The following DMD variants were observed in gnomAD, a reference collection of about 807,000 sequenced individuals.
The protein encoded by DMD is dystrophin.
A neutral mutation model predicts 330.1 loss-of-function variants in DMD; 63 were observed. That is an observed-to-expected ratio of 0.19 (90% confidence interval 0.16 to 0.24). The LOEUF (loss-of-function observed/expected upper bound fraction) is 0.24. Ranked by LOEUF, DMD falls within the 10% of genes least tolerant of loss-of-function variation. The pLI, the probability that DMD is intolerant of heterozygous loss-of-function variation, is 1.00. For missense variants in DMD, 3,344 were observed against 2,684.1 expected, an observed-to-expected ratio of 1.25 and a Z score of -5.43; for synonymous variants, 1,223 against 959.8, an observed-to-expected ratio of 1.27 and a Z score of -5.07.
chrX:32,443,208 G>A lies in DMD; in HGVS notation c.3787-1894C>T, dbSNP rs140346645. Among the ~76,000 whole-genome samples the A allele has an allele frequency of 2.7e-4, 30 of 110,635 alleles. No individual in the cohort carries two copies. The East Asian group carries it at 6.9e-3, about 25-fold the overall frequency. ...CTTGAAAGGAAGATTTATTTCAGAA[G>A]GATCTAAAAAATTAATCAGATTTCC... On this transcript the variant is annotated intron_variant, in intron 27 of 78. Coordinates refer to ENST00000357033, the MANE Select transcript of DMD (RefSeq NM_004006.3).
chrX:33,190,109 C>A, intron 1 of DMD, among the ~76,000 whole-genome samples: 1 of 111,244 alleles, frequency 9.0e-6, no homozygotes, highest in Middle Eastern at 4.6e-3. Flanking sequence ...ACTTCCTGTT[C>A]TGTTTGTAGC....
chrX:31,611,832 ATTAC>A (rs1180647792), intron 55 of DMD, among the ~76,000 whole-genome samples: 1 of 111,212 alleles, frequency 9.0e-6, no homozygotes, highest in Non-Finnish European at 1.9e-5. Context: ...CAGTTCTGGG[ATTAC>A]AGAAGTGACC....
At chrX:32,679,831 A>C (rs2147299875) in intron 9 of DMD, among the ~76,000 whole-genome samples, 1 of 104,604 alleles carries the variant, frequency 9.6e-6, no homozygotes. Flanking sequence ...TTTTCACAGT[A>C]TACTGAGACT....
chrX:32,403,181 T>C (rs1240576574), intron 30 of DMD, among the ~76,000 whole-genome samples: 1 of 112,108 alleles, frequency 8.9e-6, no homozygotes, highest in Non-Finnish European at 1.9e-5. Flanking sequence ...TGCTAAGTGT[T>C]ATCTGGCTGT....
rs763912486 is a variant in DMD at position 32,790,503 on chromosome X, C to T, written c.649+18990G>A. Among the ~76,000 whole-genome samples, 3 of 111,641 alleles carry T rather than the reference C, an allele frequency of 2.7e-5. No individual in the cohort carries two copies. The East Asian group carries it at 8.5e-4, about 32-fold the overall frequency. On this transcript the variant is annotated intron_variant, in intron 7 of 78. Transcript: ENST00000357033. The stretch of plus-strand genomic sequence containing the variant: ...CAAACTCTAGAGTCCTAAGCAGCTG[C>T]AACATGGCCTGGTTTTGAGAGCCCA...
intron 55 of DMD, among the ~76,000 whole-genome samples, chrX:31,523,019 A>C (rs2072970718): frequency 9.0e-6 from 1 of 111,295 alleles, no homozygotes; most frequent in Admixed American, 9.5e-5. Context: ...TGGTTCTCAA[A>C]CTTGAGTGGG....
At chrX:31,744,640 T>C (rs1439003238) in intron 51 of DMD, among the ~76,000 whole-genome samples, 1 of 112,151 alleles carries the variant, frequency 8.9e-6, no homozygotes, top group Non-Finnish European at 1.9e-5. Flanking sequence ...AAGCAGAAGA[T>C]AAATTACAAG....
At chrX:31,294,921 T>C (rs1383778293) in intron 62 of DMD, among the ~76,000 whole-genome samples, 1 of 112,515 alleles carries the variant, frequency 8.9e-6, no homozygotes, top group Non-Finnish European at 1.9e-5. Flanking sequence ...GTCATATTCA[T>C]GTGTGTTTCA....
At chrX:32,975,412 T>C (rs968824947) in intron 2 of DMD, among the ~76,000 whole-genome samples, 8 of 97,145 alleles carry the variant, frequency 8.2e-5, no homozygotes, top group Admixed American at 6.2e-4. Flanking sequence ...CCTGGAAGAA[T>C]TGGAAATCAA....
At chrX:31,717,934 G>T (rs1321190954) in intron 52 of DMD, among the ~76,000 whole-genome samples, 3 of 111,369 alleles carry the variant, frequency 2.7e-5, no homozygotes, top group Non-Finnish European at 5.7e-5. Flanking sequence ...ACAGTTCCAT[G>T]GTTCCTGTAT....
intron 2 of DMD, among the ~76,000 whole-genome samples, chrX:32,856,844 G>A (rs1197797468): frequency 9.0e-6 from 1 of 111,710 alleles, no homozygotes; most frequent in Non-Finnish European, 1.9e-5. Flanking sequence ...GGGAGGCCGA[G>A]GCAGGCGGAT....
chrX:32,619,002 T>A (rs1013973515), intron 11 of DMD, among the ~76,000 whole-genome samples: 3 of 111,241 alleles, frequency 2.7e-5, no homozygotes. Flanking sequence ...CAAAGAAATA[T>A]CTGCACTACC....
Position 31,911,238 on chromosome X carries a change from C to A in DMD, c.6912+18358G>T, listed in dbSNP as rs59184414. Among the ~76,000 whole-genome samples, 681 of 111,996 alleles carry A rather than the reference C, an allele frequency of 6.1e-3. 6 individuals carry two copies. The highest frequency in any genetic ancestry group is 0.019 in the African/African-American group (597 of 30,825). ...TAGGATAGAAGCTTATAATGTATTGCTGCTTTATAGTTTTATCACTGTTTG... is the reference window on the plus strand; with the variant it reads ...TAGGATAGAAGCTTATAATGTATTGATGCTTTATAGTTTTATCACTGTTTG... On this transcript the variant is annotated intron_variant, in intron 47 of 78. Coordinates refer to ENST00000357033, the MANE Select transcript of DMD (RefSeq NM_004006.3).
At chrX:31,833,175 T>C (rs770827264) in intron 49 of DMD, among the ~76,000 whole-genome samples, 29 of 110,223 alleles carry the variant, frequency 2.6e-4, no homozygotes, top group Non-Finnish European at 4.3e-4. Flanking sequence ...AAACAATTTA[T>C]ATAACTCATA....
chrX:32,648,172 G>A (rs2059903862), intron 9 of DMD, among the ~76,000 whole-genome samples: 2 of 111,741 alleles, frequency 1.8e-5, no homozygotes, highest in African/African-American at 6.5e-5. Context: ...ATGACATCTA[G>A]TACTCAAATT....
chrX:31,538,978 G>A (rs2073618099), intron 55 of DMD, among the ~76,000 whole-genome samples: 1 of 111,750 alleles, frequency 8.9e-6, no homozygotes, highest in Admixed American at 9.6e-5. Flanking sequence ...TTTTTCCTCA[G>A]ACTCTCTCTT....
chrX:32,333,115 G>A (rs183359465), intron 41 of DMD, among the ~76,000 whole-genome samples: 83 of 111,404 alleles, frequency 7.5e-4, no homozygotes, highest in Non-Finnish European at 1.3e-3. Flanking sequence ...TTGATGTCCA[G>A]CATTTTTCTG....
At chrX:31,361,931 G>A (rs1162907601) in intron 60 of DMD, among the ~76,000 whole-genome samples, 4 of 110,943 alleles carry the variant, frequency 3.6e-5, no homozygotes, top group Admixed American at 1.9e-4. Flanking sequence ...CAACCCACCC[G>A]GCTAATTTTT....
intron 44 of DMD, among the ~76,000 whole-genome samples, chrX:32,196,784 G>A (rs927712177): frequency 8.2e-5 from 9 of 109,676 alleles, no homozygotes; most frequent in Non-Finnish European, 1.7e-4. Flanking sequence ...AGGAGATCGA[G>A]ACCATCCTGG....
Sources: allele counts gnomAD v4.1 joint callset (sites outside exome capture counted in the v4.1 genomes callset), GRCh38; gene constraint gnomAD v4.1.1; transcripts MANE v1.5; gene names NCBI Gene and HGNC (gene_info 2026-07-23, HGNC 2026-07-21).